EPM2A: variants seen among roughly 807,000 people sequenced by gnomAD.
EPM2A encodes the protein EPM2A glucan phosphatase, laforin.
In EPM2A, 21 loss-of-function variants were observed where a neutral mutation model predicts 26.5. The ratio of observed to expected loss-of-function variants is 0.79; its 90% CI spans 0.56 to 1.14. The LOEUF is 1.14. EPM2A is among the 50% of genes most tolerant of loss of function. The pLI is 0.00. For missense variants in EPM2A, 458 were observed against 440.8 expected (o/e 1.04, Z -0.35); for synonymous variants, 217 against 177.6 (o/e 1.22, Z -1.76).
chr6:145,634,399 T>G (rs1776495759), intron 3 of EPM2A: 1 of 152,572 alleles, frequency 6.6e-6, no homozygotes, highest in South Asian at 2.1e-4. Context: ...ATCAAAGCCA[T>G]GCCCACCTCA....
intron 4 of EPM2A, among the ~76,000 whole-genome samples, chr6:145,496,253 C>T: frequency 6.6e-6 from 1 of 152,044 alleles, no homozygotes; most frequent in Middle Eastern, 3.2e-3. Flanking sequence ...TCATTTTGAC[C>T]TTGATTAATC....
chr6:145,528,337 A>C (rs1780307299), intron 2 of EPM2A, among the ~76,000 whole-genome samples: 1 of 152,158 alleles, frequency 6.6e-6, no homozygotes, highest in Non-Finnish European at 1.5e-5. Context: ...TAGAACTTTC[A>C]TAGCTGGAGA....
rs549632635 is a variant in EPM2A at position 145,635,261 on chromosome 6, T to A, written c.702A>T (p.Pro234=). The A allele has an allele frequency of 6.2e-7, 1 of 1,614,204 alleles. No homozygotes were observed. Among genetic ancestry groups the A allele is most frequent in the Non-Finnish European group, 8.5e-7 (1 of 1,180,016 alleles). Residue 234 remains proline, a synonymous_variant, in exon 3 of 4, where the codon CCA becomes CCT. Transcript: ENST00000367519. The part of the protein sequence containing the change: ...EGLAYIWMPT[P]DMSTEGRVQM... ...GATCCTTACCTTCGGTGCTCATATC[T>A]GGTGTTGGCATCCAGATGTAGGCCA...
At chr6:145,705,695 C>A in intron 1 of EPM2A, 1 of 404,434 alleles carries the variant, frequency 2.5e-6, no homozygotes, top group South Asian at 1.8e-5. Flanking sequence ...GAAATAGCAA[C>A]AATTTCTTGG....
At chr6:145,588,594 C>A (rs955445911) in intron 2 of EPM2A, among the ~76,000 whole-genome samples, 2 of 152,030 alleles carry the variant, frequency 1.3e-5, no homozygotes, top group African/African-American at 4.8e-5. Context: ...GTTGTTTTTT[C>A]CTTTGAGCCA....
intron 4 of EPM2A, among the ~76,000 whole-genome samples, chr6:145,449,167 GTTGACATA>G (rs1469070160): frequency 6.6e-6 from 1 of 152,192 alleles, no homozygotes; most frequent in Non-Finnish European, 1.5e-5. Flanking sequence ...GTATTATGCT[GTTGACATA>G]TTTAGACACC....
chr6:145,492,322 A>G (rs1779765852), intron 4 of EPM2A, among the ~76,000 whole-genome samples: 1 of 152,116 alleles, frequency 6.6e-6, no homozygotes, highest in Non-Finnish European at 1.5e-5. Flanking sequence ...GGGTGCCGGC[A>G]GGAGCAAAAT....
intron 2 of EPM2A, among the ~76,000 whole-genome samples, chr6:145,544,315 T>A (rs1780553692): frequency 6.6e-6 from 1 of 152,158 alleles, no homozygotes; most frequent in Non-Finnish European, 1.5e-5. Flanking sequence ...GGTTTGTGAA[T>A]TTTTTGCAGT....
At position 145,650,435 on chromosome 6, in the gene EPM2A, C is replaced by T. The variant is rs574254588; in HGVS notation, c.477-14949G>A. 2.4e-4 allele frequency among the ~76,000 whole-genome samples: 36 copies of T among 151,770 alleles called. No individual in the cohort carries two copies. In the East Asian group the frequency reaches 6.0e-3, roughly 25 times the overall value. ...GGTGTGGTGGCACATGCGGGTAATC[C>T]CAGCTACTCGAGAGGCTGAGGCACA... On this transcript the variant is annotated intron_variant, in intron 2 of 3. Transcript: ENST00000367519.
At chr6:145,730,926 C>T (rs1038420237) in intron 1 of EPM2A, among the ~76,000 whole-genome samples, 1 of 152,148 alleles carries the variant, frequency 6.6e-6, no homozygotes, top group Non-Finnish European at 1.5e-5. Context: ...CCTCCTTCAA[C>T]CCCTTCCCAT....
chr6:145,625,030 A>C (rs1009260837), downstream of EPM2A, among the ~76,000 whole-genome samples: 3 of 152,214 alleles, frequency 2.0e-5, no homozygotes, highest in Non-Finnish European at 4.4e-5. Flanking sequence ...AAGTTTTGTT[A>C]AACACCAGTG....
chr6:145,710,481 G>A (rs1272036961), intron 1 of EPM2A, among the ~76,000 whole-genome samples: 6 of 152,196 alleles, frequency 3.9e-5, no homozygotes, highest in Non-Finnish European at 7.3e-5. Context: ...ACAGGTGCTG[G>A]AGAGGATGTA....
At chr6:145,516,556 C>T (rs1780130099) in intron 2 of EPM2A, among the ~76,000 whole-genome samples, 2 of 152,118 alleles carry the variant, frequency 1.3e-5, no homozygotes, top group African/African-American at 4.8e-5. Context: ...CACAGCAGAG[C>T]CGTGAGACTA....
At chr6:145,707,339 A>G (rs1782279621) in intron 1 of EPM2A, among the ~76,000 whole-genome samples, 1 of 152,190 alleles carries the variant, frequency 6.6e-6, no homozygotes, top group Non-Finnish European at 1.5e-5. Flanking sequence ...AGCAGGCAAA[A>G]GTAAATAATT....
In EPM2A at chr6:145,454,592, C is replaced by A. The variant is rs546897983; in HGVS notation, c.555+47930G>T. Among the ~76,000 whole-genome samples, 3 of 152,306 alleles carry A rather than the reference C, an allele frequency of 2.0e-5. No homozygotes were observed. The South Asian group carries it at 6.2e-4, about 32-fold the overall frequency. ...AGAATTAGAACTAAACCTTGCTATG[C>A]AAAGGGGATACTGAAAAAATTTTCG... On this transcript the variant is annotated intron_variant, in intron 4 of 4. Coordinates refer to the EPM2A transcript ENST00000638717.
intron 2 of EPM2A, among the ~76,000 whole-genome samples, chr6:145,507,156 T>C (rs1006745418): frequency 2.6e-5 from 4 of 152,226 alleles, no homozygotes; most frequent in Non-Finnish European, 5.9e-5. Flanking sequence ...AAGGTATGCA[T>C]TTTTATTTCA....
chr6:145,494,724 C>A (rs1222587011), intron 4 of EPM2A, among the ~76,000 whole-genome samples: 3 of 152,110 alleles, frequency 2.0e-5, no homozygotes, highest in Non-Finnish European at 4.4e-5. Flanking sequence ...TTGATTTCTG[C>A]CTTAATTTCA....
At chr6:145,423,187 T>C (rs1778811600) in intron 4 of EPM2A, among the ~76,000 whole-genome samples, 1 of 152,184 alleles carries the variant, frequency 6.6e-6, no homozygotes, top group Non-Finnish European at 1.5e-5. Flanking sequence ...GAGCATCATT[T>C]TTCAACCTTG....
chr6:145,683,275 G>GTGTGTGTC (rs2128611693), intron 2 of EPM2A, among the ~76,000 whole-genome samples: 1 of 146,576 alleles, frequency 6.8e-6, no homozygotes, highest in East Asian at 2.0e-4. Flanking sequence ...TTTGGTGTGT[G>GTGTGTGTC]TGTGTGTGTG....
Sources: gnomAD v4.1 joint callset for allele counts (sites outside exome capture counted in the v4.1 genomes callset) on GRCh38, gnomAD v4.1.1 for gene constraint, MANE v1.5 for transcripts, NCBI Gene and HGNC (gene_info 2026-07-23, HGNC 2026-07-21) for gene names.